Variants in LIN52 observed in about 807,000 individuals in gnomAD.
LIN52 encodes protein lin-52 homolog.
In LIN52, 4 loss-of-function variants were observed where a neutral mutation model predicts 18.5. The ratio of observed to expected loss-of-function variants is 0.22; its 90% CI spans 0.11 to 0.49. The LOEUF (loss-of-function observed/expected upper bound fraction) is 0.49. Ranked by LOEUF, LIN52 falls within the 20% of genes least tolerant of loss-of-function variation. LIN52 has a pLI of 0.97. For synonymous variants in LIN52, 34 were observed against 45.5 expected (o/e 0.75, Z 1.02); for missense variants, 102 against 139.5 (o/e 0.73, Z 1.35).
intron 5 of LIN52, among the ~76,000 whole-genome samples, chr14:74,169,279 T>C (rs1225401755): frequency 1.3e-5 from 2 of 152,224 alleles, no homozygotes; most frequent in Non-Finnish European, 2.9e-5. Flanking sequence ...TAGACTATCT[T>C]GAGTAAACCT....
At chr14:74,154,671 A>G (rs1015550389) in intron 5 of LIN52, among the ~76,000 whole-genome samples, 1 of 152,160 alleles carries the variant, frequency 6.6e-6, no homozygotes, top group South Asian at 2.1e-4. Context: ...TTAATTAGTA[A>G]TGGGCAATTT....
intron 4 of LIN52, among the ~76,000 whole-genome samples, chr14:74,099,432 A>G (rs1375781969): frequency 6.6e-6 from 1 of 152,208 alleles, no homozygotes; most frequent in Non-Finnish European, 1.5e-5. Context: ...TTTATATAAT[A>G]TCTCATCAGC....
intron 5 of LIN52, among the ~76,000 whole-genome samples, chr14:74,176,465 A>C (rs1420020968): frequency 6.6e-6 from 1 of 152,142 alleles, no homozygotes; most frequent in Non-Finnish European, 1.5e-5. Context: ...TAATGACAAA[A>C]AGTATAATAA....
chr14:74,183,411 G>C (rs898235481), intron 5 of LIN52, among the ~76,000 whole-genome samples: 1 of 152,000 alleles, frequency 6.6e-6, no homozygotes, highest in Admixed American at 6.6e-5. Context: ...AAAGTTACCC[G>C]CTTCTAAAGC....
intron 5 of LIN52, among the ~76,000 whole-genome samples, chr14:74,108,402 T>C (rs1233244487): frequency 6.6e-6 from 1 of 152,154 alleles, no homozygotes; most frequent in Non-Finnish European, 1.5e-5. Context: ...TAGCTAGAGG[T>C]GGAATTCCTG....
At chr14:74,163,153 C>T (rs1165050382) in intron 5 of LIN52, among the ~76,000 whole-genome samples, 1 of 152,184 alleles carries the variant, frequency 6.6e-6, no homozygotes, top group African/African-American at 2.4e-5. Flanking sequence ...ACAATCTCAG[C>T]TCACTGCAGC....
intron 5 of LIN52, among the ~76,000 whole-genome samples, chr14:74,121,417 G>C (rs919984466): frequency 2.0e-5 from 3 of 152,196 alleles, no homozygotes; most frequent in Non-Finnish European, 1.5e-5. Context: ...AAGTTTTAAT[G>C]ACTAATGTGA....
At chr14:74,195,550 GTGTGTA>G (rs2078906843) in intron 5 of LIN52, among the ~76,000 whole-genome samples, 1 of 61,646 alleles carries the variant, frequency 1.6e-5, no homozygotes, top group Non-Finnish European at 3.5e-5. Flanking sequence ...GTGGGTGTGT[GTGTGTA>G]TGTGTGTGTG....
At chr14:74,154,249 A>AAT (rs149986660) in intron 5 of LIN52, among the ~76,000 whole-genome samples, 2,783 of 152,182 alleles carry the variant, frequency 0.018, 68 homozygotes, top group African/African-American at 0.062. Context: ...TGACAGTTTT[A>AAT]AAGAGTACAG....
chr14:74,119,533 T>A (rs2060986506), intron 5 of LIN52, among the ~76,000 whole-genome samples: 3 of 152,202 alleles, frequency 2.0e-5, no homozygotes, highest in Admixed American at 2.0e-4. Context: ...ATATGTATAT[T>A]TAGCTTTAGT....
chr14:74,193,561 A>G (rs1268555977), intron 5 of LIN52, among the ~76,000 whole-genome samples: 1 of 152,226 alleles, frequency 6.6e-6, no homozygotes, highest in Non-Finnish European at 1.5e-5. Flanking sequence ...GGGATAAGTT[A>G]CTCTAAAAGA....
chr14:74,185,309 C>CTTTTTTTTTTTTTTTTTTTTT (rs71115969), intron 5 of LIN52, among the ~76,000 whole-genome samples: 1 of 78,786 alleles, frequency 1.3e-5, no homozygotes. Flanking sequence ...ATAATGATTT[C>CTTTTTTTTTTTTTTTTTTTTT]TTTTTTTTTT....
intron 5 of LIN52, among the ~76,000 whole-genome samples, chr14:74,159,291 G>A (rs994378363): frequency 6.6e-6 from 1 of 151,826 alleles, no homozygotes; most frequent in Admixed American, 6.6e-5. Flanking sequence ...TAGTGTCATT[G>A]GCTTTATTCT....
intron 5 of LIN52, among the ~76,000 whole-genome samples, chr14:74,120,553 G>A (rs2060993102): frequency 6.6e-6 from 1 of 152,040 alleles, no homozygotes; most frequent in South Asian, 2.1e-4. Flanking sequence ...TCAGGAGTTC[G>A]AGACCATCCT....
At chr14:74,089,845 G>A (rs2060760729) in intron 1 of LIN52, among the ~76,000 whole-genome samples, 2 of 152,008 alleles carry the variant, frequency 1.3e-5, no homozygotes, top group East Asian at 1.9e-4. Flanking sequence ...CAGGACATAC[G>A]ACAGGGGTGT....
rs2099290448 is a variant in LIN52, at chr14:74,101,182, T to C, written c.227T>C (p.Leu76Ser). 6.2e-7 allele frequency: 1 copy of C among 1,611,462 alleles called. No individual in the cohort carries two copies. The highest frequency in any genetic ancestry group is 8.5e-7 in the Non-Finnish European group (1 of 1,179,238). The change falls in exon 5 of 6, where the codon TTG (leucine) becomes TCG (serine). Residue 76 changes from leucine (L) to serine (S), a missense_variant. By Grantham distance (145) the Leu-to-Ser change is moderately radical (BLOSUM62 -2). Coordinates refer to ENST00000555028, the MANE Select transcript of LIN52 (RefSeq NM_001024674.3). ...CTGGGGAGTCTCACCACGGCTAATT[T>C]GATGGAGAAGGTTCGAGGCCTACAG... The part of the protein sequence containing the change: ...KELGSLTTAN[L>S]MEKVRGLQNL...
chr14:74,158,300 A>G (rs2061209524), intron 5 of LIN52, among the ~76,000 whole-genome samples: 1 of 151,390 alleles, frequency 6.6e-6, no homozygotes, highest in South Asian at 2.1e-4. Context: ...TTTAGTAGAG[A>G]TGGAGTTTCA....
chr14:74,149,894 G>A (rs1322934509), intron 5 of LIN52, among the ~76,000 whole-genome samples: 1 of 152,090 alleles, frequency 6.6e-6, no homozygotes, highest in Non-Finnish European at 1.5e-5. Flanking sequence ...AGTCCTCAAG[G>A]GGGACCAAGA....
At chr14:74,106,655 G>GTC (rs2060898807) in intron 5 of LIN52, among the ~76,000 whole-genome samples, 1 of 151,956 alleles carries the variant, frequency 6.6e-6, no homozygotes, top group Admixed American at 6.6e-5. Flanking sequence ...CAGTGGTGCA[G>GTC]TCTTGGCTCA....
Sources: allele counts gnomAD v4.1 joint callset (sites outside exome capture counted in the v4.1 genomes callset), GRCh38; gene constraint gnomAD v4.1.1; transcripts MANE v1.5; gene names NCBI Gene and HGNC (gene_info 2026-07-23, HGNC 2026-07-21).